The following WNT8A variants were observed in gnomAD, a reference collection of about 807,000 sequenced individuals.
WNT8A encodes protein Wnt-8a.
Under a neutral mutation model 20.5 loss-of-function variants are expected in WNT8A, and 14 were observed. That is an observed-to-expected ratio of 0.68 (90% CI 0.45 to 1.07). The LOEUF is 1.07. WNT8A is among the 50% of genes least tolerant of loss of function. The pLI is 0.00. For synonymous variants in WNT8A, 167 were observed against 169.2 expected, an observed-to-expected ratio of 0.99 and a Z score of 0.10; for missense variants, 397 against 462.9, an observed-to-expected ratio of 0.86 and a Z score of 1.31.
chr5:138,086,673 C>T (rs568317918), intron 2 of WNT8A, among the ~76,000 whole-genome samples: 64 of 149,598 alleles, frequency 4.3e-4, no homozygotes, highest in Non-Finnish European at 8.3e-4. Context: ...GAGGCTGAGA[C>T]GGGAGGATTG....
At position 138,090,950 on chromosome 5, in the gene WNT8A, C is replaced by G. The variant is rs751921975; in HGVS notation, c.987C>G (p.Ser329Arg). 6.2e-7 allele frequency: 1 copy of G among 1,614,232 alleles called. No homozygotes were observed. Among genetic ancestry groups the G allele is most frequent in the Non-Finnish European group, 8.5e-7 (1 of 1,180,046 alleles). ...VEERKTEVIS[S>R]CNCKFQWCCT... is the part of the protein sequence containing the mutation. ...AGAGGAAAACTGAGGTCATAAGCAG[C>G]TGTAACTGCAAATTCCAGTGGTGCT... The change falls in exon 5 of 5, where the codon AGC becomes AGG. Residue 329 changes from serine to arginine, a missense_variant. By Grantham distance (110) the Ser-to-Arg change is moderately radical. Coordinates refer to ENST00000506684, the MANE Select transcript of WNT8A (RefSeq NM_001300939.2).
upstream of WNT8A, among the ~76,000 whole-genome samples, chr5:138,080,458 T>TG (rs1168541275): frequency 1.4e-5 from 2 of 143,384 alleles, no homozygotes; most frequent in East Asian, 2.0e-4. Context: ...TTTTTTTTTT[T>TG]TTTTTTTTTT....
At chr5:138,090,358 T>C (rs1750804214) in intron 4 of WNT8A, among the ~76,000 whole-genome samples, 170 bp from the exon 5 acceptor site, 1 of 152,172 alleles carries the variant, frequency 6.6e-6, no homozygotes, top group African/African-American at 2.4e-5. Context: ...AATATCCTCA[T>C]TGAGAAGATC....
At chr5:138,084,717 A>G (rs933664339) in intron 2 of WNT8A, 81 bp downstream of exon 2, 25 of 1,487,440 alleles carry the variant, frequency 1.7e-5, no homozygotes, top group Non-Finnish European at 2.2e-5. Flanking sequence ...TATGTGTGAC[A>G]TGTATTGCAC....
chr5:138,080,131 T>C (rs1180149181), upstream of WNT8A, among the ~76,000 whole-genome samples: 1 of 152,060 alleles, frequency 6.6e-6, no homozygotes, highest in Admixed American at 6.6e-5. Context: ...GAGACCATCC[T>C]GTCCAACACG....
At chr5:138,090,222 A>C (rs1252439287) in intron 4 of WNT8A, among the ~76,000 whole-genome samples, 1 of 152,164 alleles carries the variant, frequency 6.6e-6, no homozygotes, top group African/African-American at 2.4e-5. Context: ...AAGCTTGACA[A>C]GTGATACAGT....
intron 2 of WNT8A, among the ~76,000 whole-genome samples, chr5:138,086,163 G>A (rs760010554): frequency 1.8e-4 from 28 of 152,126 alleles, no homozygotes; most frequent in African/African-American, 3.4e-4. Flanking sequence ...GCAAGGTCCC[G>A]ATCCCAACAC....
At chr5:138,082,961 G>A (rs1265643878), upstream of WNT8A, among the ~76,000 whole-genome samples, 3 of 151,814 alleles carry the variant, frequency 2.0e-5, no homozygotes, top group East Asian at 5.8e-4. Context: ...AGGAGCTGAA[G>A]TCCTAGTAAC....
chr5:138,084,433 C>A, intron 1 of WNT8A, 65 bp from the exon 2 acceptor site: 1 of 1,553,142 alleles, frequency 6.4e-7, no homozygotes, highest in South Asian at 1.2e-5. Flanking sequence ...CTGAGTCCTG[C>A]CTGCTCCCCC....
intron 2 of WNT8A, 138 bp downstream of exon 2, chr5:138,084,774 T>C: frequency 8.2e-7 from 1 of 1,220,298 alleles, no homozygotes; most frequent in Non-Finnish European, 1.1e-6. Context: ...GCCATTTCCT[T>C]GCTGTGTGGC....
At chr5:138,084,020 A>C (rs1448059670), upstream of WNT8A, 24 of 1,421,662 alleles carry the variant, frequency 1.7e-5, no homozygotes, top group Non-Finnish European at 2.2e-5. Flanking sequence ...ACTGAGGAAG[A>C]CCCTGCCCTC....
chr5:138,084,108 C>T lies in WNT8A; in HGVS notation c.-20C>T, dbSNP rs1465649561. The T allele has an allele frequency of 6.2e-7, 1 of 1,613,922 alleles. No homozygotes were observed. Among genetic ancestry groups the T allele is most frequent in the African/African-American group, 1.3e-5 (1 of 75,032 alleles). On this transcript the variant is annotated 5_prime_UTR_variant, in exon 1 of 5. Transcript: ENST00000506684. ...CAGGGCGATGGGGAACCTGTTTATG[C>T]TCTGGGCAGCTCTGGGCATATGCTG... is the stretch of plus-strand genomic sequence containing the variant.
intron 2 of WNT8A, among the ~76,000 whole-genome samples, chr5:138,086,546 G>A (rs1021761121): frequency 6.6e-6 from 1 of 151,972 alleles, no homozygotes; most frequent in Admixed American, 6.6e-5. Flanking sequence ...GGTTAACATA[G>A]GGATGTTCAT....
In WNT8A at chr5:138,091,444, G is replaced by C; in HGVS notation, c.*371G>C. On this transcript the variant is annotated 3_prime_UTR_variant, in exon 5 of 5. Coordinates refer to ENST00000506684, the MANE Select transcript of WNT8A (RefSeq NM_001300939.2). ...TTCAGACCATGTCCAACCCAGCTGTGCTGCTGGGAATCAGGAGAATAGAAG... is the reference window on the plus strand; with the variant it reads ...TTCAGACCATGTCCAACCCAGCTGTCCTGCTGGGAATCAGGAGAATAGAAG... The C allele has an allele frequency of 7.4e-7, 1 of 1,358,288 alleles. No homozygotes were observed. The highest frequency in any genetic ancestry group is 1.1e-5 in the South Asian group (1 of 88,108). 84.1% of individuals were successfully genotyped at this position (1,358,288 alleles called of 1,614,324 possible).
At position 138,090,747 on chromosome 5, in the gene WNT8A, A is replaced by G. The variant is rs1561577849; in HGVS notation, c.784A>G (p.Ser262Gly). The change falls in exon 5 of 5, where the codon AGC (serine) becomes GGC (glycine). Residue 262 changes from serine (S) to glycine (G), a missense_variant. Transcript: ENST00000506684. ...GGTGCCCGCTGAGGCCTTCCTTCCTAGCGCAGAGGCGGAACTGATCTTTTT... is the reference window on the plus strand; with the variant it reads ...GGTGCCCGCTGAGGCCTTCCTTCCTGGCGCAGAGGCGGAACTGATCTTTTT... Reference protein sequence around the residue: ...HWVPAEAFLPSAEAELIFLEE... With the variant: ...HWVPAEAFLPGAEAELIFLEE... 6.2e-7 allele frequency: 1 copy of G among 1,614,210 alleles called. No individual in the cohort carries two copies. Among genetic ancestry groups the G allele is most frequent in the African/African-American group, 1.3e-5 (1 of 75,062 alleles).
chr5:138,089,313 A>G (rs936628404), intron 4 of WNT8A, among the ~76,000 whole-genome samples: 2 of 152,184 alleles, frequency 1.3e-5, no homozygotes, highest in African/African-American at 2.4e-5. Context: ...TTGTCATTGT[A>G]TGTTCTGCTC....
At chr5:138,087,347 CAAAACA>C (rs1220278202) in intron 2 of WNT8A, among the ~76,000 whole-genome samples, 3 of 124,070 alleles carry the variant, frequency 2.4e-5, no homozygotes, top group South Asian at 2.6e-4. Flanking sequence ...GACTCTGTCT[CAAAACA>C]AAAACAAAAA....
upstream of WNT8A, among the ~76,000 whole-genome samples, chr5:138,079,215 C>T (rs537377667): frequency 4.0e-5 from 6 of 151,458 alleles, no homozygotes; most frequent in Non-Finnish European, 5.9e-5. Flanking sequence ...CTCCTGAGAG[C>T]GACTGTTGCA....
At chr5:138,081,565 T>A (rs577524433), upstream of WNT8A, among the ~76,000 whole-genome samples, 2 of 152,040 alleles carry the variant, frequency 1.3e-5, no homozygotes, top group Non-Finnish European at 2.9e-5. Context: ...AGATTCTTGA[T>A]TGGGAAAAGT....
Sources: allele counts gnomAD v4.1 joint callset (sites outside exome capture counted in the v4.1 genomes callset), GRCh38; gene constraint gnomAD v4.1.1; transcripts MANE v1.5; gene names NCBI Gene and HGNC (gene_info 2026-07-23, HGNC 2026-07-21).